INPP4A: variants seen among roughly 807,000 people sequenced by gnomAD.
The protein encoded by INPP4A is inositol polyphosphate-4-phosphatase type I A.
INPP4A carries 33 observed loss-of-function variants against 119.8 expected under a neutral mutation model. The observed-to-expected ratio is 0.28, with a 90% CI of 0.21 to 0.37. INPP4A has a LOEUF of 0.37. Ranked by LOEUF, INPP4A falls within the 10% of genes least tolerant of loss-of-function variation. The probability of loss-of-function intolerance (pLI) is 1.00; values close to 1 mark genes in which losing one functional copy is unlikely to be tolerated. For missense variants in INPP4A, 956 were observed against 1,289.9 expected, an observed-to-expected ratio of 0.74 and a Z score of 3.97; for synonymous variants, 496 against 500.7, an observed-to-expected ratio of 0.99 and a Z score of 0.12.
chr2:98,487,585 G>C (rs1226873553), intron 1 of INPP4A, among the ~76,000 whole-genome samples: 2 of 151,894 alleles, frequency 1.3e-5, no homozygotes, highest in Non-Finnish European at 2.9e-5. Context: ...TTTTTTTGTT[G>C]TTGTTGTTAT....
chr2:98,510,054 A>G (rs1353047480), intron 1 of INPP4A, among the ~76,000 whole-genome samples: 2 of 152,212 alleles, frequency 1.3e-5, no homozygotes, highest in African/African-American at 4.8e-5. Flanking sequence ...CAGGATGAAG[A>G]CACTGCTAGG....
intron 1 of INPP4A, among the ~76,000 whole-genome samples, chr2:98,516,867 G>A (rs1338189692): frequency 6.6e-6 from 1 of 152,114 alleles, no homozygotes; most frequent in African/African-American, 2.4e-5. Flanking sequence ...CCTCTGTACA[G>A]TACCTCTTTA....
intron 1 of INPP4A, among the ~76,000 whole-genome samples, chr2:98,481,142 T>G (rs2105038205): frequency 6.6e-6 from 1 of 152,278 alleles, no homozygotes; most frequent in East Asian, 1.9e-4. Context: ...AAACATAATT[T>G]AATCAGAGCA....
rs1380113493 is a variant in INPP4A, at chr2:98,502,170, CCTGG to C, written c.-165-16793_-165-16790del. Among the ~76,000 whole-genome samples the C allele has an allele frequency of 2.0e-5, 3 of 152,184 alleles. No individual in the cohort carries two copies. The East Asian group carries it at 5.8e-4, about 29-fold the overall frequency. On this transcript the variant is annotated intron_variant, in intron 1 of 24. Transcript: ENST00000409851. ...GGGCATTAGGTGATACCTGTGTTCTCCTGGGCTGGCTGAGTTCTCCAGATGAGAG... is the reference window on the plus strand; with the variant it reads ...GGGCATTAGGTGATACCTGTGTTCTCGCTGGCTGAGTTCTCCAGATGAGAG...
intron 16 of INPP4A, among the ~76,000 whole-genome samples, chr2:98,557,896 G>A (rs1282293691): frequency 2.0e-5 from 3 of 152,060 alleles, no homozygotes; most frequent in Non-Finnish European, 4.4e-5. Context: ...GCCCCACCAG[G>A]ATTTGGTGGC....
At chr2:98,466,298 G>C (rs1381581746) in intron 1 of INPP4A, among the ~76,000 whole-genome samples, 8 of 152,196 alleles carry the variant, frequency 5.3e-5, no homozygotes, top group Non-Finnish European at 2.9e-5. Flanking sequence ...TGCCCGCCTT[G>C]GCCTTCCAAA....
intron 1 of INPP4A, among the ~76,000 whole-genome samples, chr2:98,507,027 A>C (rs1324546370): frequency 6.6e-6 from 1 of 152,220 alleles, no homozygotes; most frequent in African/African-American, 2.4e-5. Context: ...AGGTGTAGCC[A>C]CATCCCCCTC....
In INPP4A at chr2:98,586,975, C is replaced by T. The variant is rs921662654; in HGVS notation, c.2787-501C>T. Among the ~76,000 whole-genome samples the T allele has an allele frequency of 1.1e-4, 17 of 152,250 alleles. 1 individual carries two copies. The highest frequency in any genetic ancestry group is 3.3e-4 in the Admixed American group (5 of 15,288). ...CAGACCAGAACGCCTTCCTAGCCAG[C>T]TGGCTTTGCTACATGTTGAATTCTG... is the stretch of plus-strand genomic sequence containing the variant. On this transcript the variant is annotated intron_variant, in intron 24 of 24. Transcript: ENST00000409851.
intron 1 of INPP4A, among the ~76,000 whole-genome samples, chr2:98,508,542 C>T (rs1684520886): frequency 6.6e-6 from 1 of 152,202 alleles, no homozygotes; most frequent in African/African-American, 2.4e-5. Flanking sequence ...CAGTTCCCGG[C>T]CCTCTTGGAG....
intron 1 of INPP4A, among the ~76,000 whole-genome samples, chr2:98,493,172 C>T (rs1024496651): frequency 1.3e-5 from 2 of 152,252 alleles, no homozygotes; most frequent in East Asian, 3.9e-4. Context: ...ACTCCCTTTG[C>T]CCCTATGCTG....
At chr2:98,468,748 C>T (rs1558890303) in intron 1 of INPP4A, among the ~76,000 whole-genome samples, 2 of 152,136 alleles carry the variant, frequency 1.3e-5, no homozygotes, top group Non-Finnish European at 2.9e-5. Flanking sequence ...AAGTCGATAA[C>T]TCCTCATGGT....
At chr2:98,524,456 G>C (rs1330764089) in intron 4 of INPP4A, among the ~76,000 whole-genome samples, 1 of 152,168 alleles carries the variant, frequency 6.6e-6, no homozygotes, top group Non-Finnish European at 1.5e-5. Flanking sequence ...AGGCTGGGTT[G>C]GGGGAGGAGG....
In INPP4A at chr2:98,549,196, TGTC is replaced by T. The variant is rs577674808; in HGVS notation, c.1163+2505_1163+2507del. 2.0e-3 allele frequency among the ~76,000 whole-genome samples: 311 copies of T among 152,300 alleles called. 1 individual carries two copies. The highest frequency in any genetic ancestry group is 6.4e-3 in the South Asian group (31 of 4,824). The stretch of plus-strand genomic sequence containing the variant: ...CCTTTAAAACCTGGCAGCTGGGTGT[TGTC>T]GTACTCACTCTGAGAAAGGACCTAG... On this transcript the variant is annotated intron_variant, in intron 13 of 24. Coordinates refer to ENST00000409851, the MANE Select transcript of INPP4A (RefSeq NM_001134225.2).
chr2:98,496,090 C>G (rs1363008777), intron 1 of INPP4A, among the ~76,000 whole-genome samples: 1 of 152,038 alleles, frequency 6.6e-6, no homozygotes, highest in African/African-American at 2.4e-5. Context: ...GTCTTAAGGC[C>G]TCTGTTTTAA....
chr2:98,570,186 C>A lies in INPP4A; in HGVS notation c.2518+1518C>A, dbSNP rs1286411219. ...ACAGCGAGTGCAGCACTGGCCCCAG[C>A]TGAGCTGATGACATGGGCAAATGAC... is the stretch of plus-strand genomic sequence containing the variant. On this transcript the variant is annotated intron_variant, in intron 22 of 24. Transcript: ENST00000409851. The surrounding 1 kb of genome is among the most constrained non-coding windows in gnomAD (Gnocchi z 4.3). Among the ~76,000 whole-genome samples the A allele has an allele frequency of 6.6e-6, 1 of 152,152 alleles. No individual in the cohort carries two copies. The highest frequency in any genetic ancestry group is 2.4e-5 in the African/African-American group (1 of 41,410).
At chr2:98,469,499 CAAA>C (rs768218588) in intron 1 of INPP4A, among the ~76,000 whole-genome samples, 15 of 106,128 alleles carry the variant, frequency 1.4e-4, no homozygotes, top group Middle Eastern at 5.4e-3. Flanking sequence ...GACTCCGTCT[CAAA>C]AAAAAAAAAA....
At chr2:98,486,736 G>A (rs576039978) in intron 1 of INPP4A, among the ~76,000 whole-genome samples, 4 of 152,372 alleles carry the variant, frequency 2.6e-5, no homozygotes, top group East Asian at 1.9e-4. Context: ...AACACTAACC[G>A]CCTCTTGGGT....
chr2:98,587,185 A>G (rs960741550), intron 24 of INPP4A, among the ~76,000 whole-genome samples: 1 of 152,252 alleles, frequency 6.6e-6, no homozygotes, highest in Non-Finnish European at 1.5e-5. Flanking sequence ...GACATGAGCT[A>G]CATGAAACCA....
At chr2:98,520,510 TG>T (rs1048751579) in intron 3 of INPP4A, among the ~76,000 whole-genome samples, 176 bp from the exon 4 acceptor site, 7 of 123,962 alleles carry the variant, frequency 5.6e-5, no homozygotes, top group Admixed American at 4.8e-4. Context: ...GGTTTGGTTG[TG>T]GGGTCAGGGA....
Sources: gnomAD v4.1 joint callset for allele counts (sites outside exome capture counted in the v4.1 genomes callset) on GRCh38, gnomAD v4.1.1 for gene constraint, Gnocchi (gnomAD v3.1) non-coding constraint, MANE v1.5 for transcripts, NCBI Gene and HGNC (gene_info 2026-07-23, HGNC 2026-07-21) for gene names.